The following ASIC2 variants were observed in gnomAD, a reference collection of about 807,000 sequenced individuals.
ASIC2 encodes the protein acid-sensing ion channel 2.
In ASIC2, 25 loss-of-function variants were observed where a neutral mutation model predicts 57.3. The observed-to-expected ratio is 0.44, with a 90% CI of 0.32 to 0.61. The LOEUF (loss-of-function observed/expected upper bound fraction) is 0.61. ASIC2 is among the 20% of genes least tolerant of loss of function. The pLI, the probability that ASIC2 is intolerant of heterozygous loss-of-function variation, is 0.06. For synonymous variants in ASIC2, 319 were observed against 307.5 expected, an observed-to-expected ratio of 1.04 and a Z score of -0.39; for missense variants, 641 against 738.1, an observed-to-expected ratio of 0.87 and a Z score of 1.52.
chr17:33,412,472 T>G (rs1446220985), intron 1 of ASIC2, among the ~76,000 whole-genome samples: 1 of 152,192 alleles, frequency 6.6e-6, no homozygotes, highest in African/African-American at 2.4e-5. Context: ...CAACAGTCCT[T>G]GAGGTCCACA....
chr17:33,822,763 G>A (rs1003772573), intron 1 of ASIC2, among the ~76,000 whole-genome samples: 1 of 152,168 alleles, frequency 6.6e-6, no homozygotes, highest in African/African-American at 2.4e-5. Context: ...ATGTGGTTGT[G>A]AGTTCTTCAT....
chr17:33,607,749 C>A (rs1382443935), intron 1 of ASIC2, among the ~76,000 whole-genome samples: 1 of 152,120 alleles, frequency 6.6e-6, no homozygotes, highest in African/African-American at 2.4e-5. Flanking sequence ...GAGCTTTGGA[C>A]CACTCACTAC....
chr17:33,090,599 G>T (rs1393789666), intron 2 of ASIC2, among the ~76,000 whole-genome samples: 1 of 152,150 alleles, frequency 6.6e-6, no homozygotes, highest in Non-Finnish European at 1.5e-5. Flanking sequence ...TTGGGGGTCA[G>T]GGATGGAGAG....
intron 1 of ASIC2, among the ~76,000 whole-genome samples, chr17:33,121,318 GCCAC>G (rs1249708003): frequency 3.3e-5 from 5 of 152,210 alleles, no homozygotes; most frequent in African/African-American, 9.7e-5. Flanking sequence ...ACAGACATGA[GCCAC>G]CCTTTAGGAA....
chr17:33,662,530 G>T (rs1261628697), intron 1 of ASIC2, among the ~76,000 whole-genome samples: 9 of 151,726 alleles, frequency 5.9e-5, no homozygotes, highest in Non-Finnish European at 1.0e-4. Context: ...GACTGAGGCA[G>T]GAGAATTGCT....
chr17:33,403,031 T>C (rs975876271), intron 1 of ASIC2, among the ~76,000 whole-genome samples: 24 of 152,180 alleles, frequency 1.6e-4, no homozygotes, highest in African/African-American at 5.3e-4. Context: ...CGTGACTTTG[T>C]ATGGTCAAAA....
At chr17:33,584,493 C>T (rs1015511604) in intron 1 of ASIC2, among the ~76,000 whole-genome samples, 4 of 152,174 alleles carry the variant, frequency 2.6e-5, no homozygotes, top group African/African-American at 9.7e-5. Flanking sequence ...TGTCACTCTA[C>T]TTCAGAATCC....
chr17:33,328,144 ACAGCAGCT>A (rs56331786), intron 1 of ASIC2, among the ~76,000 whole-genome samples: 108,787 of 151,764 alleles, frequency 0.72, 39,214 homozygotes, highest in East Asian at 0.97. Context: ...ACATTTTGTT[ACAGCAGCT>A]CTACTAGGAA....
At position 34,091,011 on chromosome 17, in the gene ASIC2, AC is replaced by A. The variant is rs1910311579; in HGVS notation, c.555+64966del. Among the ~76,000 whole-genome samples, 3 of 152,342 alleles carry A rather than the reference AC, an allele frequency of 2.0e-5. No homozygotes were observed. The South Asian group carries it at 6.2e-4, about 32-fold the overall frequency. ...GAGTTGCTCCATCAGCCTACCTGGT[AC>A]CTTCCAACCTGGGCCTCAGTTCTTC... On this transcript the variant is annotated intron_variant, in intron 1 of 9. Transcript: ENST00000359872.
rs150298722 is a variant in ASIC2 at position 33,854,117 on chromosome 17, A to C, written c.555+301861T>G. 4.7e-3 allele frequency among the ~76,000 whole-genome samples: 713 copies of C among 152,280 alleles called. 2 individuals carry two copies. The highest frequency in any genetic ancestry group is 7.1e-3 in the Non-Finnish European group (480 of 68,032). On this transcript the variant is annotated intron_variant, in intron 1 of 9. Coordinates refer to the ASIC2 transcript ENST00000359872. ...TAATTGCAGATTGTCCGCCCCAGTA[A>C]ACGTCTATTGTTTGGGAAATGGGGT...
In ASIC2 at chr17:33,453,532, A is replaced by G. The variant is rs118010135; in HGVS notation, c.556-341465T>C. On this transcript the variant is annotated intron_variant, in intron 1 of 9. Coordinates refer to the ASIC2 transcript ENST00000359872. The stretch of plus-strand genomic sequence containing the variant: ...GGGCAGAGTGTGTACCTGCAAGAAC[A>G]CCCTCAACTCCCATGAAGGTTTTAC... 5.1e-3 allele frequency among the ~76,000 whole-genome samples: 773 copies of G among 152,176 alleles called. 1 individual carries two copies. The highest frequency in any genetic ancestry group is 8.8e-3 in the Non-Finnish European group (600 of 68,000).
chr17:33,045,647 G>C (rs2091951370), intron 3 of ASIC2, among the ~76,000 whole-genome samples: 1 of 152,088 alleles, frequency 6.6e-6, no homozygotes, highest in Admixed American at 6.5e-5. Context: ...TCATGGCGGG[G>C]GCCACCATCT....
intron 1 of ASIC2, among the ~76,000 whole-genome samples, chr17:33,806,209 T>C (rs8076372): frequency 0.74 from 113,205 of 152,218 alleles, 42,795 homozygotes; most frequent in African/African-American, 0.78. Flanking sequence ...CCATGCAGTC[T>C]ATGTTGCAAA....
At chr17:33,276,921 G>A (rs1200666428) in intron 1 of ASIC2, among the ~76,000 whole-genome samples, 1 of 152,138 alleles carries the variant, frequency 6.6e-6, no homozygotes, top group East Asian at 1.9e-4. Context: ...TGGGGACAGA[G>A]GCCCTTCTTT....
intron 1 of ASIC2, among the ~76,000 whole-genome samples, chr17:33,659,921 A>T (rs1390456116): frequency 6.7e-6 from 1 of 149,294 alleles, no homozygotes; most frequent in Admixed American, 6.7e-5. Flanking sequence ...TAAATAAAAT[A>T]AAAATAAAAA....
intron 1 of ASIC2, among the ~76,000 whole-genome samples, chr17:33,384,604 G>C (rs1193301151): frequency 1.3e-5 from 2 of 152,208 alleles, no homozygotes; most frequent in Non-Finnish European, 2.9e-5. Flanking sequence ...GAATGGAAAA[G>C]TGGGTATTAT....
chr17:33,600,611 G>A (rs546204366), intron 1 of ASIC2, among the ~76,000 whole-genome samples: 1 of 152,334 alleles, frequency 6.6e-6, no homozygotes, highest in Admixed American at 6.5e-5. Context: ...ATTTATGCCT[G>A]AGGTGGCAAT....
At chr17:34,098,202 T>C (rs561476056) in intron 1 of ASIC2, among the ~76,000 whole-genome samples, 14 of 152,288 alleles carry the variant, frequency 9.2e-5, no homozygotes, top group East Asian at 5.8e-4. Context: ...AGCCTGTCAC[T>C]GTGCAGACAA....
chr17:33,474,309 G>C (rs1408197590), intron 1 of ASIC2, among the ~76,000 whole-genome samples: 1 of 152,186 alleles, frequency 6.6e-6, no homozygotes, highest in African/African-American at 2.4e-5. Flanking sequence ...GGAGGTTGCA[G>C]TGAGCTGAGA....
Sources: allele counts gnomAD v4.1 joint callset (sites outside exome capture counted in the v4.1 genomes callset), GRCh38; gene constraint gnomAD v4.1.1; transcripts MANE v1.5; gene names NCBI Gene and HGNC (gene_info 2026-07-23, HGNC 2026-07-21).